Variants in HM13 observed in about 807,000 individuals in gnomAD.
HM13 encodes signal peptide peptidase.
A neutral mutation model predicts 50.0 loss-of-function variants in HM13; 18 were observed. The ratio of observed to expected loss-of-function variants is 0.36; its 90% CI spans 0.25 to 0.53. HM13 has a LOEUF of 0.53. HM13 is among the 20% of genes least tolerant of loss of function. The pLI, the probability that HM13 is intolerant of heterozygous loss-of-function variation, is 0.90. For missense variants in HM13, 393 were observed against 552.4 expected (o/e 0.71, Z 2.89); for synonymous variants, 197 against 232.6 (o/e 0.85, Z 1.39).
chr20:31,524,186 G>T (rs971753030), intron 1 of HM13, among the ~76,000 whole-genome samples: 10 of 151,886 alleles, frequency 6.6e-5, no homozygotes, highest in African/African-American at 2.4e-4. Context: ...GCTGCAGTGA[G>T]CTATGATCCT....
At chr20:31,515,368 G>C (rs1981709939) in intron 1 of HM13, among the ~76,000 whole-genome samples, 1 of 152,210 alleles carries the variant, frequency 6.6e-6, no homozygotes, top group African/African-American at 2.4e-5. Flanking sequence ...ATCCCAGTCA[G>C]CTGGCTCCTC....
In HM13 at chr20:31,556,196, G is replaced by A. The variant is rs865955780; in HGVS notation, c.808+1367G>A. On this transcript the variant is annotated intron_variant, in intron 8 of 12. Coordinates refer to ENST00000398174, the MANE Select transcript of HM13 (RefSeq NM_178581.3). Reference sequence around the variant, plus strand: ...TGGGATTATAGGCATGCACCACCACGCCCGGCTGATTTTGTATATTTAGTA... The same window carrying A: ...TGGGATTATAGGCATGCACCACCACACCCGGCTGATTTTGTATATTTAGTA... 3.3e-4 allele frequency among the ~76,000 whole-genome samples: 50 copies of A among 151,452 alleles called. 1 individual carries two copies. Among genetic ancestry groups the A allele is most frequent in the Non-Finnish European group, 4.6e-4 (31 of 67,944 alleles).
At chr20:31,521,463 C>T (rs1982153353) in intron 1 of HM13, among the ~76,000 whole-genome samples, 1 of 152,098 alleles carries the variant, frequency 6.6e-6, no homozygotes, top group African/African-American at 2.4e-5. Context: ...TGATGGCTCA[C>T]GCCTGTAATC....
chr20:31,559,057 T>C (rs1019677913), intron 8 of HM13, among the ~76,000 whole-genome samples: 3 of 152,236 alleles, frequency 2.0e-5, no homozygotes, highest in Non-Finnish European at 2.9e-5. Flanking sequence ...TAGCTGGGAC[T>C]ACGGGCACAT....
chr20:31,514,450 T>C lies in HM13; in HGVS notation c.-102T>C, dbSNP rs1981629718. ...TTGGGAGGGAGCACGTCACTTCCTG[T>C]TGCCTTAGGGGAACGTGGCTTTCCC... On this transcript the variant is annotated 5_prime_UTR_variant, in exon 1 of 13. Transcript: ENST00000398174. The surrounding 1 kb of genome is among the most constrained non-coding windows in gnomAD (Gnocchi z 4.3). 1 of 1,337,986 alleles carries C rather than the reference T, an allele frequency of 7.5e-7. No individual in the cohort carries two copies. The highest frequency in any genetic ancestry group is 1.5e-5 in the African/African-American group (1 of 68,400). 82.9% of individuals were successfully genotyped at this position (1,337,986 alleles called of 1,614,324 possible).
intron 4 of HM13, among the ~76,000 whole-genome samples, chr20:31,546,330 C>A (rs1486038305): frequency 6.6e-6 from 1 of 152,094 alleles, no homozygotes; most frequent in Non-Finnish European, 1.5e-5. Context: ...GCCACCGCGC[C>A]CGGCCGTAGC....
intron 7 of HM13, among the ~76,000 whole-genome samples, chr20:31,552,551 A>G (rs1171946662): frequency 6.6e-6 from 1 of 152,140 alleles, no homozygotes; most frequent in Non-Finnish European, 1.5e-5. Flanking sequence ...ACTGCCTTCT[A>G]CTGCTAGGAC....
Position 31,551,787 on chromosome 20 carries a change from C to T in HM13, c.724+1666C>T, listed in dbSNP as rs368511611. Among the ~76,000 whole-genome samples, 102 of 152,264 alleles carry T rather than the reference C, an allele frequency of 6.7e-4. 1 individual carries two copies. Among genetic ancestry groups the T allele is most frequent in the African/African-American group, 2.2e-3 (90 of 41,562 alleles). ...GGGATCAAGAAACAGCTGTCTTTCT[C>T]GTGACTCACTCTACCACTGCGGACA... is the stretch of plus-strand genomic sequence containing the variant. On this transcript the variant is annotated intron_variant, in intron 7 of 12. Coordinates refer to ENST00000398174, the MANE Select transcript of HM13 (RefSeq NM_178581.3).
chr20:31,567,060 G>A (rs758273751), intron 11 of HM13, among the ~76,000 whole-genome samples: 18 of 151,976 alleles, frequency 1.2e-4, no homozygotes, highest in East Asian at 3.9e-4. Context: ...CTGGCTCCCC[G>A]CAGGGGAGCC....
rs984978505 is a variant in HM13 at position 31,566,216 on chromosome 20, C to T, written c.955C>T (p.Leu319Phe). 19 of 1,613,876 alleles carry T rather than the reference C, an allele frequency of 1.2e-5. No individual in the cohort carries two copies. The highest frequency in any genetic ancestry group is 1.6e-5 in the Non-Finnish European group (19 of 1,179,868). Residue 319 changes from leucine to phenylalanine, a missense_variant, in exon 11 of 13, where the codon CTC becomes TTC. By Grantham distance (22) the Leu-to-Phe change is conservative. This residue lies in a region of HM13 where 74 missense variants were observed against 160.4 expected (regional missense o/e 0.46). Coordinates refer to ENST00000398174, the MANE Select transcript of HM13 (RefSeq NM_178581.3). ...MHIFKHAQPA[L>F]LYLVPACIGF... ...AGCCTGTGTCCTCTCATAGCCTGCCCTCCTATACCTGGTCCCCGCCTGCAT... is the reference window on the plus strand; with the variant it reads ...AGCCTGTGTCCTCTCATAGCCTGCCTTCCTATACCTGGTCCCCGCCTGCAT...
chr20:31,547,247 G>A (rs1261629302), intron 4 of HM13: 4 of 195,906 alleles, frequency 2.0e-5, no homozygotes, highest in Non-Finnish European at 4.1e-5. Context: ...CTGTTTCAGC[G>A]ATCCTCATTG....
In HM13 at chr20:31,569,159, A is replaced by G; in HGVS notation, c.1221A>G (p.Thr407=). The G allele has an allele frequency of 6.2e-7, 1 of 1,601,450 alleles. No individual in the cohort carries two copies. The highest frequency in any genetic ancestry group is 1.7e-5 in the Admixed American group (1 of 58,652). ...ESNPKDPAAV[T]ESKEGTEASA... ...ATCCTAAGGATCCAGCGGCAGTGAC[A>G]GAATCCAAAGAGGGAACAGAGGCAT... is the stretch of plus-strand genomic sequence containing the variant. Residue 407 remains threonine, a synonymous_variant, in exon 13 of 13, where the codon ACA becomes ACG. Transcript: ENST00000398174.
intron 7 of HM13, 51 bp from the exon 8 acceptor site, chr20:31,554,695 A>C: frequency 6.5e-7 from 1 of 1,532,540 alleles, no homozygotes; most frequent in South Asian, 1.2e-5. Flanking sequence ...AAAAAAAAAA[A>C]ATGTAAACTG....
At chr20:31,542,105 C>T (rs1268327214) in intron 3 of HM13, among the ~76,000 whole-genome samples, 1 of 152,260 alleles carries the variant, frequency 6.6e-6, no homozygotes, top group Non-Finnish European at 1.5e-5. Context: ...CGAGCTGTGA[C>T]AGCACAGGCT....
At chr20:31,526,933 C>G (rs1982522729) in intron 1 of HM13, among the ~76,000 whole-genome samples, 1 of 152,226 alleles carries the variant, frequency 6.6e-6, no homozygotes, top group Admixed American at 6.5e-5. Context: ...GTTTTCTTCT[C>G]TCAGTTATTC....
rs1236893223 is a variant in HM13, at chr20:31,560,651, G to A, written c.846-983G>A. On this transcript the variant is annotated intron_variant, in intron 9 of 12. Transcript: ENST00000398174. ...AGTGAAACCCATAAGAAGCCCCCAG[G>A]CTATTTGCTGGAGACAGATTCAACT... Among the ~76,000 whole-genome samples the A allele has an allele frequency of 5.9e-5, 9 of 152,330 alleles. No homozygotes were observed. In the East Asian group the frequency reaches 1.7e-3, roughly 29 times the overall value.
chr20:31,520,701 A>T (rs1459750853), intron 1 of HM13, among the ~76,000 whole-genome samples: 1 of 152,164 alleles, frequency 6.6e-6, no homozygotes, highest in Non-Finnish European at 1.5e-5. Flanking sequence ...GAGAAGTGTA[A>T]TGTTGGTGCA....
rs1370991525 is a variant in HM13, at chr20:31,564,576, CA to C, written c.949-1621del. Among the ~76,000 whole-genome samples the C allele has an allele frequency of 6.4e-3, 892 of 139,426 alleles. 7 individuals are homozygous for C. The highest frequency in any genetic ancestry group is 0.018 in the African/African-American group (702 of 38,188). The allele number at this position is 139,426 out of a possible 152,430, so 91.5% of individuals were successfully genotyped here. A position where few individuals can be genotyped will look rare whatever the true frequency, so the allele number is the denominator to read the frequency against. On this transcript the variant is annotated intron_variant, in intron 10 of 12. Coordinates refer to ENST00000398174, the MANE Select transcript of HM13 (RefSeq NM_178581.3). ...TGGGAGACAAAGTGAGACCCTGTCT[CA>C]AAAAAAAAAAAATTGCTGAGGAATG...
At chr20:31,535,895 A>G (rs142240176) in intron 2 of HM13, among the ~76,000 whole-genome samples, 1 of 152,330 alleles carries the variant, frequency 6.6e-6, no homozygotes, top group Non-Finnish European at 1.5e-5. Context: ...CCAGGAAAGC[A>G]TGGAAGAACC....
Sources: allele counts gnomAD v4.1 joint callset (sites outside exome capture counted in the v4.1 genomes callset), GRCh38; gene constraint gnomAD v4.1.1; regional missense constraint gnomAD v4.1.1; non-coding constraint Gnocchi (gnomAD v3.1); transcripts MANE v1.5; gene names NCBI Gene and HGNC (gene_info 2026-07-23, HGNC 2026-07-21).